The following CHST12 variants were observed in gnomAD, a reference collection of about 807,000 sequenced individuals.
CHST12 encodes carbohydrate (chondroitin 4) sulfotransferase 12.
CHST12 carries 23 observed loss-of-function variants against 27.9 expected under a neutral mutation model. The ratio of observed to expected loss-of-function variants is 0.82; its 90% CI spans 0.59 to 1.17. The LOEUF (loss-of-function observed/expected upper bound fraction) is 1.17. Among genes scored for constraint, CHST12 ranks in the 50% most tolerant of loss-of-function variants. The probability of loss-of-function intolerance (pLI) is 0.00; values close to 1 mark genes in which losing one functional copy is unlikely to be tolerated. For missense variants in CHST12, 682 were observed against 603.0 expected (o/e 1.13, Z -1.37); for synonymous variants, 322 against 273.0 (o/e 1.18, Z -1.77).
rs1782775874 is a variant in CHST12, at chr7:2,447,125, C to T, written c.*13241C>T. ...CAGCAGCACGAAAGGCACACTGAGG[C>T]ACACTGGCAGGCCTGGGCTGCAGAG... is the stretch of plus-strand genomic sequence containing the variant. On this transcript the variant is annotated 3_prime_UTR_variant, in exon 2 of 2. Coordinates refer to ENST00000618655, the MANE Select transcript of CHST12 (RefSeq NM_018641.5). 6.6e-6 allele frequency: 1 copy of T among 152,532 alleles called. No individual in the cohort carries two copies. The highest frequency in any genetic ancestry group is 6.5e-5 in the Admixed American group (1 of 15,282). The allele number at this position is 152,532 out of a possible 1,614,324, so 9.4% of individuals were successfully genotyped here.
rs1417957930 is a variant in CHST12, at chr7:2,441,756, G to A, written c.*7872G>A. On this transcript the variant is annotated 3_prime_UTR_variant, in exon 2 of 2. Transcript: ENST00000618655. ...TTAGAAGGCCATCCTGTTTAGAAGA[G>A]TGGGTTTCTCATAAGAAAAAAAAGA... 6.6e-6 allele frequency: 1 copy of A among 151,406 alleles called. No individual in the cohort carries two copies. The highest frequency in any genetic ancestry group is 1.5e-5 in the Non-Finnish European group (1 of 67,892). 9.4% of individuals were successfully genotyped at this position (151,406 alleles called of 1,614,324 possible).
chr7:2,420,384 C>A (rs577622556), intron 1 of CHST12, among the ~76,000 whole-genome samples: 20 of 152,182 alleles, frequency 1.3e-4, no homozygotes, highest in Non-Finnish European at 2.5e-4. Context: ...GAGTAATATT[C>A]TACTACATGG....
chr7:2,428,462 A>G (rs567095141), intron 1 of CHST12, among the ~76,000 whole-genome samples: 1 of 152,286 alleles, frequency 6.6e-6, no homozygotes, highest in East Asian at 1.9e-4. Flanking sequence ...CAGCAGGTCG[A>G]GAAATAATAG....
At chr7:2,411,565 T>C (rs746199822) in intron 1 of CHST12, among the ~76,000 whole-genome samples, 4 of 146,978 alleles carry the variant, frequency 2.7e-5, no homozygotes, top group Non-Finnish European at 4.5e-5. Flanking sequence ...CTTGACTCAC[T>C]GCAACCTCCA....
rs1414820885 is a variant in CHST12 at position 2,440,505 on chromosome 7, C to G, written c.*6621C>G. 1 of 152,356 alleles carries G rather than the reference C, an allele frequency of 6.6e-6. No individual in the cohort carries two copies. The allele number at this position is 152,356 out of a possible 1,614,324, so 9.4% of individuals were successfully genotyped here. On this transcript the variant is annotated 3_prime_UTR_variant, in exon 2 of 2. Transcript: ENST00000618655. ...ACTCTGAAAGGCAGAGGGTCCCAGA[C>G]TTTCCTGGGATGATGGGAACTGGGC...
intron 1 of CHST12, among the ~76,000 whole-genome samples, chr7:2,419,738 C>A (rs1015548019): frequency 6.6e-6 from 1 of 151,204 alleles, no homozygotes; most frequent in African/African-American, 2.4e-5. Context: ...ACCATTGTAA[C>A]CATTTTTAAG....
At chr7:2,421,480 A>G (rs2115415234) in intron 1 of CHST12, among the ~76,000 whole-genome samples, 1 of 141,422 alleles carries the variant, frequency 7.1e-6, no homozygotes, top group African/African-American at 2.7e-5. Flanking sequence ...TCTGTTGCCC[A>G]GGCTAGAGTG....
chr7:2,414,174 G>A (rs909206811), intron 1 of CHST12, among the ~76,000 whole-genome samples: 1 of 152,206 alleles, frequency 6.6e-6, no homozygotes, highest in Non-Finnish European at 1.5e-5. Flanking sequence ...ATTTTCCGTT[G>A]TAAGAGCTCT....
In CHST12 at chr7:2,438,142, G is replaced by A. The variant is rs1164495754; in HGVS notation, c.*4258G>A. On this transcript the variant is annotated 3_prime_UTR_variant, in exon 2 of 2. Coordinates refer to ENST00000618655, the MANE Select transcript of CHST12 (RefSeq NM_018641.5). Reference sequence around the variant, plus strand: ...CAGGTCTCCCCAGAGGGACCCTCCTGAGCTGAGCTGCCCGGGGCACCTGTC... The same window carrying A: ...CAGGTCTCCCCAGAGGGACCCTCCTAAGCTGAGCTGCCCGGGGCACCTGTC... 1 of 152,332 alleles carries A rather than the reference G, an allele frequency of 6.6e-6. No individual in the cohort carries two copies. Among genetic ancestry groups the A allele is most frequent in the East Asian group, 1.9e-4 (1 of 5,208 alleles). The allele number at this position is 152,332 out of a possible 1,614,324, so 9.4% of individuals were successfully genotyped here.
rs140313101 is a variant in CHST12 at position 2,433,726 on chromosome 7, C to T, written c.1087C>T (p.Arg363Cys). ...GCTACTCCAGGTGGACCGGCAGCTC[C>T]GCTTCCCCCCGAGCTACCGGAACAG... ...LQLLQVDRQL[R>C]FPPSYRNRTA... Residue 363 changes from arginine (R) to cysteine (C), a missense_variant, in exon 2 of 2, where the codon CGC becomes TGC. Coordinates refer to ENST00000618655, the MANE Select transcript of CHST12 (RefSeq NM_018641.5). The surrounding 1 kb of genome is among the most constrained non-coding windows in gnomAD (Gnocchi z 6.1). 7.4e-6 allele frequency: 12 copies of T among 1,613,446 alleles called. No individual in the cohort carries two copies. The highest frequency in any genetic ancestry group is 5.1e-6 in the Non-Finnish European group (6 of 1,179,942).
chr7:2,426,367 C>T (rs916109728), intron 1 of CHST12, among the ~76,000 whole-genome samples: 1 of 152,152 alleles, frequency 6.6e-6, no homozygotes, highest in East Asian at 1.9e-4. Flanking sequence ...CACAACCAGA[C>T]GGAGCCCACC....
chr7:2,403,532 T>C (rs1424799851), upstream of CHST12: 1 of 150,584 alleles, frequency 6.6e-6, no homozygotes. Context: ...GGCCGCGACG[T>C]CTCGCGAGAA....
intron 1 of CHST12, among the ~76,000 whole-genome samples, chr7:2,423,578 G>C (rs544384399): frequency 6.6e-6 from 1 of 152,330 alleles, no homozygotes; most frequent in African/African-American, 2.4e-5. Context: ...CACAGGGCGG[G>C]AGGAGGTTGG....
intron 1 of CHST12, among the ~76,000 whole-genome samples, chr7:2,432,212 A>G (rs1782290057): frequency 1.4e-5 from 2 of 143,120 alleles, no homozygotes; most frequent in Admixed American, 1.4e-4. Context: ...GGCAGAGTCC[A>G]GGAGGGCTCA....
chr7:2,422,683 A>ACAC (rs1782009121), intron 1 of CHST12, among the ~76,000 whole-genome samples: 1 of 151,708 alleles, frequency 6.6e-6, no homozygotes, highest in East Asian at 1.9e-4. Context: ...CTACAGGCAC[A>ACAC]CACCACCACA....
chr7:2,444,774 CT>C lies in CHST12; in HGVS notation c.*10891del, dbSNP rs1054302777. The C allele has an allele frequency of 2.0e-5, 3 of 152,270 alleles. No individual in the cohort carries two copies. Among genetic ancestry groups the C allele is most frequent in the African/African-American group, 7.2e-5 (3 of 41,460 alleles). 9.4% of individuals were successfully genotyped at this position (152,270 alleles called of 1,614,324 possible). A position where few individuals can be genotyped will look rare whatever the true frequency, so the allele number is the denominator to read the frequency against. On this transcript the variant is annotated 3_prime_UTR_variant, in exon 2 of 2. Transcript: ENST00000618655. Reference sequence around the variant, plus strand: ...ACAAGGCAAAAATCCCCTACTCCCCCTGGGCTCCTTCACAGTTTGTGTGTCC... The same window carrying C: ...ACAAGGCAAAAATCCCCTACTCCCCCGGGCTCCTTCACAGTTTGTGTGTCC...
intron 1 of CHST12, among the ~76,000 whole-genome samples, chr7:2,416,305 C>T (rs1229898104): frequency 6.6e-6 from 1 of 152,212 alleles, no homozygotes; most frequent in Non-Finnish European, 1.5e-5. Context: ...GCTGTTACTT[C>T]CTGCACCGGA....
chr7:2,426,628 G>A (rs575037037), intron 1 of CHST12, among the ~76,000 whole-genome samples: 1 of 151,654 alleles, frequency 6.6e-6, no homozygotes, highest in South Asian at 2.1e-4. Flanking sequence ...GAGGTTAGCT[G>A]TAGGTTTTTT....
intron 1 of CHST12, among the ~76,000 whole-genome samples, chr7:2,417,168 A>G (rs1781831839): frequency 6.6e-6 from 1 of 152,042 alleles, no homozygotes; most frequent in Non-Finnish European, 1.5e-5. Flanking sequence ...CCAAAGACGA[A>G]GACCAATGTC....
Sources: allele counts gnomAD v4.1 joint callset (sites outside exome capture counted in the v4.1 genomes callset), GRCh38; gene constraint gnomAD v4.1.1; non-coding constraint Gnocchi (gnomAD v3.1); transcripts MANE v1.5; gene names NCBI Gene and HGNC (gene_info 2026-07-23, HGNC 2026-07-21).